L3MBTL4: variants seen among roughly 807,000 people sequenced by gnomAD.
L3MBTL4 encodes lethal(3)malignant brain tumor-like protein 4.
A neutral mutation model predicts 84.5 loss-of-function variants in L3MBTL4; 70 were observed. That is an observed-to-expected ratio of 0.83 (90% CI 0.68 to 1.01). L3MBTL4 has a LOEUF of 1.01. Among genes scored for constraint, L3MBTL4 ranks in the 50% least tolerant of loss-of-function variants. The pLI is 0.00. For missense variants in L3MBTL4, 715 were observed against 754.8 expected (o/e 0.95, Z 0.62); for synonymous variants, 274 against 259.8 (o/e 1.05, Z -0.52).
At chr18:6,076,108 A>C (rs1329532058) in intron 16 of L3MBTL4, among the ~76,000 whole-genome samples, 1 of 152,204 alleles carries the variant, frequency 6.6e-6, no homozygotes, top group East Asian at 1.9e-4. Flanking sequence ...GAATTTCTGC[A>C]AACCCAATTG....
chr18:6,082,988 T>C lies in L3MBTL4; in HGVS notation c.1374-2037A>G, dbSNP rs1175481498. 2.6e-5 allele frequency among the ~76,000 whole-genome samples: 4 copies of C among 152,292 alleles called. No individual in the cohort carries two copies. The East Asian group carries it at 7.8e-4, about 30-fold the overall frequency. On this transcript the variant is annotated intron_variant, in intron 15 of 18. Transcript: ENST00000317931. ...ACTCTACAAGGTTGGGATAGTACTC[T>C]TGTTTTACACATTGAGAGACTGGGC...
At chr18:6,071,761 A>AAAAGAAG (rs2057638257) in intron 16 of L3MBTL4, among the ~76,000 whole-genome samples, 5 of 92,156 alleles carry the variant, frequency 5.4e-5, no homozygotes, top group Non-Finnish European at 1.1e-4. Flanking sequence ...AAGAAAGAAA[A>AAAAGAAG]AAAGAAAGAA....
chr18:6,207,837 G>A (rs1011791282), intron 12 of L3MBTL4, among the ~76,000 whole-genome samples: 4 of 151,912 alleles, frequency 2.6e-5, no homozygotes, highest in Admixed American at 6.6e-5. Context: ...CAGGTGCGAC[G>A]TCTCACACCT....
intron 1 of L3MBTL4, among the ~76,000 whole-genome samples, chr18:6,354,256 A>G (rs937240679): frequency 5.9e-5 from 9 of 152,186 alleles, no homozygotes; most frequent in African/African-American, 1.4e-4. Context: ...CTAGACCCCT[A>G]TCTGTCACCA....
At chr18:6,137,330 T>C (rs2060054862) in intron 14 of L3MBTL4, among the ~76,000 whole-genome samples, 1 of 152,254 alleles carries the variant, frequency 6.6e-6, no homozygotes, top group African/African-American at 2.4e-5. Context: ...GTATGTGATT[T>C]GGGAGTGCTT....
intron 14 of L3MBTL4, among the ~76,000 whole-genome samples, chr18:6,127,163 A>AT (rs1417549793): frequency 1.3e-5 from 2 of 152,220 alleles, no homozygotes; most frequent in Non-Finnish European, 2.9e-5. Flanking sequence ...CACAAAGTAA[A>AT]TTTATGAGAG....
At chr18:6,140,742 A>G (rs1338268220) in intron 13 of L3MBTL4, among the ~76,000 whole-genome samples, 1 of 152,122 alleles carries the variant, frequency 6.6e-6, no homozygotes, top group Non-Finnish European at 1.5e-5. Flanking sequence ...AACATACTCC[A>G]GTTTCTCCAT....
intron 16 of L3MBTL4, among the ~76,000 whole-genome samples, chr18:6,003,323 T>C (rs1426926726): frequency 6.6e-6 from 1 of 151,604 alleles, no homozygotes; most frequent in Non-Finnish European, 1.5e-5. Flanking sequence ...AAGGGTGTGA[T>C]ATATTAATAA....
intron 1 of L3MBTL4, among the ~76,000 whole-genome samples, chr18:6,411,049 T>G (rs1309538891): frequency 6.6e-6 from 1 of 152,234 alleles, no homozygotes; most frequent in Non-Finnish European, 1.5e-5. Context: ...AAAAATCGTT[T>G]GTATTTGCAT....
chr18:6,359,155 T>C (rs2053569888), intron 1 of L3MBTL4, among the ~76,000 whole-genome samples: 6 of 152,218 alleles, frequency 3.9e-5, no homozygotes, highest in Admixed American at 3.3e-4. Context: ...CAACATTTAA[T>C]AATACATCAT....
intron 16 of L3MBTL4, among the ~76,000 whole-genome samples, chr18:5,996,056 C>G (rs1395074667): frequency 6.6e-6 from 1 of 152,230 alleles, no homozygotes; most frequent in African/African-American, 2.4e-5. Flanking sequence ...TTTTGCATCA[C>G]TCTAGCATAT....
At chr18:5,998,214 T>C (rs2054064759) in intron 16 of L3MBTL4, among the ~76,000 whole-genome samples, 1 of 152,128 alleles carries the variant, frequency 6.6e-6, no homozygotes, top group Non-Finnish European at 1.5e-5. Context: ...CTTGCTACTG[T>C]CAAATGAAAG....
chr18:6,231,545 C>T (rs1312359764), intron 10 of L3MBTL4, among the ~76,000 whole-genome samples: 2 of 152,098 alleles, frequency 1.3e-5, no homozygotes, highest in East Asian at 3.9e-4. Context: ...AATACACGAA[C>T]ATGGCTTTCC....
chr18:6,093,255 T>C, intron 15 of L3MBTL4, 100 bp downstream of exon 15: 1 of 952,460 alleles, frequency 1.0e-6, no homozygotes, highest in Non-Finnish European at 1.5e-6. Flanking sequence ...AAAATAATTC[T>C]TTTGAAGAAA....
intron 16 of L3MBTL4, among the ~76,000 whole-genome samples, chr18:6,045,430 C>A (rs1003343607): frequency 6.6e-6 from 1 of 151,964 alleles, no homozygotes; most frequent in Non-Finnish European, 1.5e-5. Flanking sequence ...ATACCTGAGA[C>A]TGGGCAATTT....
intron 18 of L3MBTL4, 29 bp downstream of exon 18, chr18:5,960,061 CATAT>C (rs1555617167): frequency 2.7e-6 from 1 of 373,820 alleles, no homozygotes; most frequent in Non-Finnish European, 4.5e-6. Context: ...TATATATATA[CATAT>C]ATATATATAT....
chr18:6,045,314 C>A (rs191640407), intron 16 of L3MBTL4, among the ~76,000 whole-genome samples: 13 of 152,308 alleles, frequency 8.5e-5, no homozygotes, highest in African/African-American at 2.4e-4. Context: ...GAAATAAAAT[C>A]TTTTCCATAT....
At chr18:6,093,131 G>A (rs1211944158) in intron 15 of L3MBTL4, among the ~76,000 whole-genome samples, 1 of 152,080 alleles carries the variant, frequency 6.6e-6, no homozygotes, top group African/African-American at 2.4e-5. Flanking sequence ...TGTACATTTA[G>A]AAAAAGGTAA....
intron 17 of L3MBTL4, among the ~76,000 whole-genome samples, chr18:5,962,097 C>T (rs1010396005): frequency 3.3e-5 from 5 of 152,044 alleles, no homozygotes; most frequent in South Asian, 2.1e-4. Flanking sequence ...ATTTGATTAG[C>T]GGTGGAGGAT....
Sources: allele counts gnomAD v4.1 joint callset (sites outside exome capture counted in the v4.1 genomes callset), GRCh38; gene constraint gnomAD v4.1.1; transcripts MANE v1.5; gene names NCBI Gene and HGNC (gene_info 2026-07-23, HGNC 2026-07-21).